Variants in CCSER1 observed in about 807,000 individuals in gnomAD.
CCSER1 encodes the protein serine-rich coiled-coil domain-containing protein 1.
In CCSER1, 41 loss-of-function variants were observed where a neutral mutation model predicts 82.0. That is an observed-to-expected ratio of 0.50 (90% CI 0.39 to 0.65). CCSER1 has a LOEUF of 0.65. Among genes scored for constraint, CCSER1 ranks in the 30% least tolerant of loss-of-function variants. The pLI is 0.00. For missense variants in CCSER1, 1,119 were observed against 1,064.2 expected (o/e 1.05, Z -0.72); for synonymous variants, 414 against 383.9 (o/e 1.08, Z -0.92).
At chr4:91,451,808 T>C (rs1755883348) in intron 10 of CCSER1, among the ~76,000 whole-genome samples, 1 of 151,928 alleles carries the variant, frequency 6.6e-6, no homozygotes, top group Non-Finnish European at 1.5e-5. Flanking sequence ...AATAAAACTT[T>C]AGTAGTAAGT....
At chr4:91,070,263 C>G (rs1721292628) in intron 9 of CCSER1, among the ~76,000 whole-genome samples, 1 of 152,184 alleles carries the variant, frequency 6.6e-6, no homozygotes, top group Non-Finnish European at 1.5e-5. Context: ...GGATTACAGG[C>G]ATGAGTTCCC....
chr4:90,885,965 T>C (rs571521229), intron 8 of CCSER1, among the ~76,000 whole-genome samples: 6 of 152,278 alleles, frequency 3.9e-5, no homozygotes, highest in African/African-American at 1.2e-4. Flanking sequence ...CAGTTCATTG[T>C]CTGAGGTAAG....
Position 91,598,699 on chromosome 4 carries a change from C to A in CCSER1, c.2345C>A (p.Thr782Asn), listed in dbSNP as rs778878244. 10 of 1,551,412 alleles carry A rather than the reference C, an allele frequency of 6.4e-6. No individual in the cohort carries two copies. The highest frequency in any genetic ancestry group is 8.7e-6 in the Non-Finnish European group (10 of 1,146,918). The change falls in exon 11 of 11, where the codon ACC (threonine) becomes AAC (asparagine). Residue 782 changes from threonine to asparagine, a missense_variant. Transcript: ENST00000509176. Reference sequence around the variant, plus strand: ...CAGACAAGCCCCTACAAAAACAAGACCTGTCAACTCCCAAGTCTCTGTTTA... The same window carrying A: ...CAGACAAGCCCCTACAAAAACAAGAACTGTCAACTCCCAAGTCTCTGTTTA... ...ADQTSPYKNK[T>N]CQLPSLCLSN... is the part of the protein sequence containing the mutation.
chr4:90,756,512 T>G (rs1514743), intron 7 of CCSER1, among the ~76,000 whole-genome samples: 40,448 of 152,018 alleles, frequency 0.27, 5,971 homozygotes, highest in East Asian at 0.34. Flanking sequence ...CTTTCTTCGG[T>G]GTCTTAGTTT....
intron 6 of CCSER1, among the ~76,000 whole-genome samples, chr4:90,650,180 G>T (rs1295323437): frequency 2.0e-5 from 3 of 152,036 alleles, no homozygotes; most frequent in Non-Finnish European, 4.4e-5. Flanking sequence ...TTGCACCACT[G>T]CACTCCAGCC....
chr4:90,468,847 CTTTAA>C (rs1445899861), intron 5 of CCSER1, among the ~76,000 whole-genome samples: 1 of 151,908 alleles, frequency 6.6e-6, no homozygotes, highest in Non-Finnish European at 1.5e-5. Context: ...ACAGTTCAAG[CTTTAA>C]TTTAAATTAA....
rs536054737 is a variant in CCSER1 at position 91,113,295 on chromosome 4, T to C, written c.2217+27301T>C. Among the ~76,000 whole-genome samples the C allele has an allele frequency of 1.1e-3, 165 of 152,294 alleles. 2 individuals carry two copies. The highest frequency in any genetic ancestry group is 3.7e-3 in the African/African-American group (154 of 41,560). ...GTTGCAAGGGAGACCTTCTTGAGAT[T>C]TGCAGGAATTACCACTAGATGTCAC... On this transcript the variant is annotated intron_variant, in intron 10 of 10. Coordinates refer to ENST00000509176, the MANE Select transcript of CCSER1 (RefSeq NM_001145065.2).
At chr4:91,082,280 G>C (rs945374918) in intron 9 of CCSER1, among the ~76,000 whole-genome samples, 1 of 151,512 alleles carries the variant, frequency 6.6e-6, no homozygotes, top group African/African-American at 2.4e-5. Context: ...AACCATCTTT[G>C]ACAAACCTGA....
At chr4:90,963,551 A>C (rs1734247337) in intron 9 of CCSER1, among the ~76,000 whole-genome samples, 1 of 152,156 alleles carries the variant, frequency 6.6e-6, no homozygotes, top group Admixed American at 6.5e-5. Context: ...AAATGAAAGT[A>C]CACCCTAATC....
chr4:91,236,470 A>G (rs1321675409), intron 10 of CCSER1, among the ~76,000 whole-genome samples: 1 of 152,146 alleles, frequency 6.6e-6, no homozygotes, highest in African/African-American at 2.4e-5. Flanking sequence ...GTGACAGAGC[A>G]AGACTCCGTC....
chr4:90,363,379 G>T (rs909527760), intron 3 of CCSER1, among the ~76,000 whole-genome samples: 1 of 152,072 alleles, frequency 6.6e-6, no homozygotes, highest in African/African-American at 2.4e-5. Flanking sequence ...ATCCTGAAGA[G>T]AAAATCATAG....
chr4:90,216,524 T>C lies in CCSER1; in HGVS notation c.-42+88693T>C, dbSNP rs1401030728. On this transcript the variant is annotated intron_variant, in intron 1 of 10. Transcript: ENST00000509176. ...AGATGTGCACATTACAGTTCTGTATTAGATATCATTTATAAAAGAGATTTC... is the reference window on the plus strand; with the variant it reads ...AGATGTGCACATTACAGTTCTGTATCAGATATCATTTATAAAAGAGATTTC... Among the ~76,000 whole-genome samples, 4 of 152,218 alleles carry C rather than the reference T, an allele frequency of 2.6e-5. No homozygotes were observed. The East Asian group carries it at 7.7e-4, about 29-fold the overall frequency.
chr4:90,262,399 T>A (rs997537986), intron 1 of CCSER1, among the ~76,000 whole-genome samples: 2 of 152,204 alleles, frequency 1.3e-5, no homozygotes, highest in Non-Finnish European at 2.9e-5. Context: ...CTCATTGTAT[T>A]AGTTATGTAC....
intron 5 of CCSER1, among the ~76,000 whole-genome samples, chr4:90,536,563 G>T (rs1007911803): frequency 2.6e-5 from 4 of 152,172 alleles, no homozygotes; most frequent in Admixed American, 2.6e-4. Context: ...TGTGGCCTTC[G>T]ATGTGTATTT....
chr4:91,111,535 C>A lies in CCSER1; in HGVS notation c.2217+25541C>A, dbSNP rs191173262. Among the ~76,000 whole-genome samples the A allele has an allele frequency of 5.3e-5, 8 of 151,766 alleles. No homozygotes were observed. In the East Asian group the frequency reaches 9.7e-4, roughly 18 times the overall value. On this transcript the variant is annotated intron_variant, in intron 10 of 10. Transcript: ENST00000509176. ...TGGACAATACAATTAATTGATAGAA[C>A]AAGTATTTTTCATAATTTCTGCTAA...
In CCSER1 at chr4:91,517,745, CGTGTGTGTGTGT is replaced by C. The variant is rs71579530; in HGVS notation, c.2218-80798_2218-80787del. On this transcript the variant is annotated intron_variant, in intron 10 of 10. Transcript: ENST00000509176. ...TACGCTGGTTCTTTCAGTTCTTTCT[CGTGTGTGTGTGT>C]GTGTGTGTGTGTGTGTGTGTGTGTG... is the stretch of plus-strand genomic sequence containing the variant. Among the ~76,000 whole-genome samples the C allele has an allele frequency of 1.1e-3, 131 of 121,150 alleles. 1 individual carries two copies. In the South Asian group the frequency reaches 0.011, roughly 10 times the overall value. The allele number at this position is 121,150 out of a possible 152,430, so 79.5% of individuals were successfully genotyped here.
chr4:90,922,006 T>G (rs1728454895), intron 8 of CCSER1, among the ~76,000 whole-genome samples: 1 of 152,050 alleles, frequency 6.6e-6, no homozygotes, highest in Non-Finnish European at 1.5e-5. Flanking sequence ...ACATTTTTAC[T>G]TATCTTTTTC....
At chr4:90,500,535 T>C (rs184405046) in intron 5 of CCSER1, among the ~76,000 whole-genome samples, 10 of 152,212 alleles carry the variant, frequency 6.6e-5, no homozygotes, top group African/African-American at 2.4e-4. Context: ...CTCACTATGT[T>C]GGCCAGGCTT....
Position 90,551,426 on chromosome 4 carries a change from G to A in CCSER1, c.1725-76599G>A, listed in dbSNP as rs140572496. On this transcript the variant is annotated intron_variant, in intron 5 of 10. Transcript: ENST00000509176. ...CTGGTTCTTGCTTGCAGGCCTCAGA[G>A]CGCACTTTTCTATCAGCCACAGTAC... Among the ~76,000 whole-genome samples the A allele has an allele frequency of 6.6e-3, 996 of 152,024 alleles. 5 individuals are homozygous for A. The highest frequency in any genetic ancestry group is 0.022 in the South Asian group (107 of 4,812).
Sources: allele counts gnomAD v4.1 joint callset (sites outside exome capture counted in the v4.1 genomes callset), GRCh38; gene constraint gnomAD v4.1.1; transcripts MANE v1.5; gene names NCBI Gene and HGNC (gene_info 2026-07-23, HGNC 2026-07-21).